KIF9: variants seen among roughly 807,000 people sequenced by gnomAD.
KIF9 encodes the protein kinesin family member 9.
A neutral mutation model predicts 94.8 loss-of-function variants in KIF9; 68 were observed. That is an observed-to-expected ratio of 0.72 (90% CI 0.59 to 0.88). The LOEUF (loss-of-function observed/expected upper bound fraction) is 0.88. KIF9 is among the 40% of genes least tolerant of loss of function. KIF9 has a pLI of 0.00. For synonymous variants in KIF9, 343 were observed against 362.1 expected, an observed-to-expected ratio of 0.95 and a Z score of 0.60; for missense variants, 882 against 982.5, an observed-to-expected ratio of 0.90 and a Z score of 1.37.
intron 1 of KIF9, among the ~76,000 whole-genome samples, chr3:47,279,693 T>A (rs1235349299): frequency 6.6e-6 from 1 of 151,740 alleles, no homozygotes; most frequent in Non-Finnish European, 1.5e-5. Flanking sequence ...CTCAGCTCAC[T>A]GCAAGCTCCG....
Position 47,243,211 on chromosome 3 carries a change from C to G in KIF9, c.1549G>C (p.Val517Leu), listed in dbSNP as rs368898744. The G allele has an allele frequency of 6.2e-7, 1 of 1,612,568 alleles. No homozygotes were observed. Among genetic ancestry groups the G allele is most frequent in the Non-Finnish European group, 8.5e-7 (1 of 1,179,030 alleles). Residue 517 changes from valine to leucine, a missense_variant, in exon 16 of 21, where the codon GTG (valine) becomes CTG (leucine). Coordinates refer to ENST00000684063, the MANE Select transcript of KIF9 (RefSeq NM_182902.4). ...ACGTAATCCAAGTCCTTCCCATTCACAGGGCTGCTGGCACCTTCCTTTCTT... is the reference window on the plus strand; with the variant it reads ...ACGTAATCCAAGTCCTTCCCATTCAGAGGGCTGCTGGCACCTTCCTTTCTT... ...LARKEGASSP[V>L]NGKDLDYVST... is the part of the protein sequence containing the mutation.
Position 47,236,547 on chromosome 3 carries a change from A to T in KIF9, c.1997T>A (p.Leu666His). Reference protein sequence around the residue: ...EFLLILKLKDLKKQYRSEYQD... With the variant: ...EFLLILKLKDHKKQYRSEYQD... The stretch of plus-strand genomic sequence containing the variant: ...GTACTCGCTGCGGTACTGCTTCTTG[A>T]GGTCTTTGAGCTTGAGGATCAGCAG... The change falls in exon 18 of 21, where the codon CTC becomes CAC. Residue 666 changes from leucine to histidine, a missense_variant. Transcript: ENST00000684063. 6.2e-7 allele frequency: 1 copy of T among 1,614,044 alleles called. No individual in the cohort carries two copies. Among genetic ancestry groups the T allele is most frequent in the Non-Finnish European group, 8.5e-7 (1 of 1,180,012 alleles).
At chr3:47,248,486 G>A (rs145446758) in intron 10 of KIF9, among the ~76,000 whole-genome samples, 156 of 151,818 alleles carry the variant, frequency 1.0e-3, no homozygotes, top group African/African-American at 3.5e-3. Flanking sequence ...CTTGTCGCCC[G>A]GGCTGGAGTG....
intron 17 of KIF9, chr3:47,238,401 T>A (rs1699199781): frequency 6.6e-6 from 1 of 152,172 alleles, no homozygotes; most frequent in South Asian, 2.1e-4. Flanking sequence ...TGTTTTTTTG[T>A]AGAGACGGGG....
chr3:47,229,685 A>C (rs551094165), intron 20 of KIF9, among the ~76,000 whole-genome samples: 36 of 152,276 alleles, frequency 2.4e-4, no homozygotes, highest in Admixed American at 7.2e-4. Context: ...GGAATGAGAG[A>C]ATAGAATTTT....
chr3:47,272,858 G>A (rs1701733563), intron 4 of KIF9, among the ~76,000 whole-genome samples: 1 of 152,128 alleles, frequency 6.6e-6, no homozygotes, highest in Non-Finnish European at 1.5e-5. Context: ...CAGGAGCATG[G>A]ATGGTTCACA....
At chr3:47,238,662 T>G (rs900888333) in intron 17 of KIF9, 6 of 152,124 alleles carry the variant, frequency 3.9e-5, no homozygotes, top group African/African-American at 1.4e-4. Flanking sequence ...CTGATAAATT[T>G]TTTTTGTTTG....
rs1482570582 is a variant in KIF9, at chr3:47,265,828, G to A, written c.818C>T (p.Ser273Leu). ...GGCAATGATGGCCTGCTCCAGGAAT[G>A]AGAGCGATTTGTTGATGTAGGTGGC... Reference protein sequence around the residue: ...KEATYINKSLSFLEQAIIALG... With the variant: ...KEATYINKSLLFLEQAIIALG... Residue 273 changes from serine to leucine, a missense_variant, in exon 8 of 21, where the codon TCA becomes TTA. By Grantham distance (145) the Ser-to-Leu change is moderately radical. Transcript: ENST00000684063. 8.7e-6 allele frequency: 14 copies of A among 1,614,074 alleles called. No homozygotes were observed. Among genetic ancestry groups the A allele is most frequent in the African/African-American group, 1.3e-5 (1 of 74,922 alleles).
chr3:47,271,981 G>A (rs1239258206), intron 4 of KIF9, among the ~76,000 whole-genome samples: 2 of 152,220 alleles, frequency 1.3e-5, no homozygotes, highest in South Asian at 4.2e-4. Flanking sequence ...TTAGCTGGGC[G>A]TGGTGGCGTG....
chr3:47,237,645 GGTAA>G (rs988541111), intron 17 of KIF9, among the ~76,000 whole-genome samples: 2 of 152,184 alleles, frequency 1.3e-5, no homozygotes, highest in African/African-American at 4.8e-5. Flanking sequence ...CCAAGTGTAG[GGTAA>G]GTGTGTTCTG....
intron 1 of KIF9, among the ~76,000 whole-genome samples, chr3:47,279,079 G>A (rs1361747397): frequency 6.7e-6 from 1 of 149,628 alleles, no homozygotes; most frequent in Non-Finnish European, 1.5e-5. Context: ...AGAATCACTT[G>A]AGCCTGGGGA....
chr3:47,247,455 T>C lies in KIF9; in HGVS notation c.1151A>G (p.Tyr384Cys), dbSNP rs754651653. Residue 384 changes from tyrosine to cysteine, a missense_variant, in exon 12 of 21, where the codon TAT (tyrosine) becomes TGT (cysteine). Physicochemically the swap from Tyr to Cys is radical, Grantham distance 194. Coordinates refer to ENST00000684063, the MANE Select transcript of KIF9 (RefSeq NM_182902.4). ...AATCTGGATTTCATCCATGGGGTCA[T>C]AGGTCACAAAGGTGCGGTTGGTCTT... Reference protein sequence around the residue: ...DSLTNRTFVTYDPMDEIQIAE... With the variant: ...DSLTNRTFVTCDPMDEIQIAE... 5.0e-6 allele frequency: 8 copies of C among 1,613,578 alleles called. No individual in the cohort carries two copies. The highest frequency in any genetic ancestry group is 1.3e-5 in the African/African-American group (1 of 74,926).
chr3:47,246,332 C>T, intron 12 of KIF9, 80 bp from the exon 13 acceptor site: 1 of 1,200,068 alleles, frequency 8.3e-7, no homozygotes, highest in South Asian at 1.4e-5. Context: ...GTAGAGAAAT[C>T]AAGACCCCTT....
chr3:47,234,377 G>A (rs1054302574), intron 20 of KIF9, among the ~76,000 whole-genome samples: 9 of 151,600 alleles, frequency 5.9e-5, no homozygotes, highest in Middle Eastern at 3.2e-3. Flanking sequence ...GGGACTACAG[G>A]AGCATGCTGC....
intron 10 of KIF9, chr3:47,250,490 T>C (rs1700200898): frequency 2.5e-6 from 1 of 408,060 alleles, no homozygotes; most frequent in South Asian, 1.8e-5. Context: ...CCATAGATTT[T>C]AGGTAAGTAA....
chr3:47,273,511 G>C, intron 4 of KIF9, 41 bp downstream of exon 4: 1 of 1,472,580 alleles, frequency 6.8e-7, no homozygotes, highest in South Asian at 1.3e-5. Context: ...GGCAGAGAGA[G>C]GGAACCTGTG....
At chr3:47,256,941 G>A (rs1700654617) in intron 10 of KIF9, among the ~76,000 whole-genome samples, 1 of 152,050 alleles carries the variant, frequency 6.6e-6, no homozygotes, top group South Asian at 2.1e-4. Context: ...ATGCTTGAAG[G>A]CAGCATGCTC....
intron 7 of KIF9, among the ~76,000 whole-genome samples, chr3:47,266,543 A>G (rs925934072): frequency 6.6e-6 from 1 of 152,146 alleles, no homozygotes. Context: ...TACTTGAGAC[A>G]CTGAAGTGGG....
rs368636994 is a variant in KIF9, at chr3:47,255,410, G to T, written c.1059+2073C>A. ...TGATTGGCCAGCTGTTTACTGGGAC[G>T]AAAGAGATTCTGTAGTGACATAGCG... On this transcript the variant is annotated intron_variant, in intron 10 of 20. Coordinates refer to ENST00000684063, the MANE Select transcript of KIF9 (RefSeq NM_182902.4). Among the ~76,000 whole-genome samples, 11 of 152,268 alleles carry T rather than the reference G, an allele frequency of 7.2e-5. No homozygotes were observed. In the East Asian group the frequency reaches 1.7e-3, roughly 24 times the overall value.
Sources: allele counts gnomAD v4.1 joint callset (sites outside exome capture counted in the v4.1 genomes callset), GRCh38; gene constraint gnomAD v4.1.1; transcripts MANE v1.5; gene names NCBI Gene and HGNC (gene_info 2026-07-23, HGNC 2026-07-21).